Variants in TRPV1 observed in about 807,000 individuals in gnomAD.
TRPV1 encodes transient receptor potential cation channel subfamily V member 1.
A neutral mutation model predicts 82.3 loss-of-function variants in TRPV1; 82 were observed. The observed-to-expected ratio is 1.00, with a 90% confidence interval of 0.83 to 1.20. The LOEUF (loss-of-function observed/expected upper bound fraction) is 1.20. Ranked by LOEUF, TRPV1 falls within the 50% of genes most tolerant of loss-of-function variation. TRPV1 has a pLI of 0.00. For missense variants in TRPV1, 1,067 were observed against 1,096.8 expected, an observed-to-expected ratio of 0.97 and a Z score of 0.38; for synonymous variants, 515 against 467.7, an observed-to-expected ratio of 1.10 and a Z score of -1.30.
intron 12 of TRPV1, 106 bp from the exon 13 acceptor site, chr17:3,577,298 C>A: frequency 7.9e-7 from 1 of 1,266,934 alleles, no homozygotes; most frequent in African/African-American, 1.5e-5. Context: ...ACGTGCAGGG[C>A]GGTTTGCTTT....
intron 15 of TRPV1, 47 bp from the exon 16 acceptor site, chr17:3,571,686 C>A (rs745491389): frequency 1.0e-5 from 15 of 1,483,130 alleles, no homozygotes; most frequent in Non-Finnish European, 1.4e-5. Flanking sequence ...GCCCAGCTTC[C>A]CGGGCCAAGG....
chr17:3,581,983 G>T (rs12945340), intron 10 of TRPV1, among the ~76,000 whole-genome samples: 1 of 137,792 alleles, frequency 7.3e-6, no homozygotes, highest in East Asian at 2.5e-4. Flanking sequence ...GAGGTCAGGA[G>T]ATCGAGACCA....
intron 8 of TRPV1, among the ~76,000 whole-genome samples, chr17:3,587,616 C>G (rs889362679): frequency 1.3e-5 from 2 of 152,084 alleles, no homozygotes; most frequent in African/African-American, 4.8e-5. Flanking sequence ...GTCAAGAGTT[C>G]GAGACCACCC....
chr17:3,583,275 G>A lies in TRPV1; in HGVS notation c.1476+63C>T, dbSNP rs529684601. The A allele has an allele frequency of 7.7e-5, 107 of 1,384,456 alleles. No homozygotes were observed. The African/African-American group carries it at 1.3e-3, about 17-fold the overall frequency. 85.8% of individuals were successfully genotyped at this position (1,384,456 alleles called of 1,614,324 possible). ...AATTAAAAAGTGAGTGAGCGCTGAG[G>A]GATCTTCTTGGCTTTTTGTTTTGGT... On this transcript the variant is annotated intron_variant, in intron 10 of 16. Transcript: ENST00000572705.
intron 15 of TRPV1, 148 bp from the exon 16 acceptor site, chr17:3,571,787 A>G (rs1318514355): frequency 3.1e-6 from 2 of 654,282 alleles, no homozygotes; most frequent in Admixed American, 2.7e-5. Flanking sequence ...ATTTTTGGAC[A>G]CCATCCTCAA....
In TRPV1 at chr17:3,588,219, T is replaced by C. The variant is rs200294374; in HGVS notation, c.1193A>G (p.Glu398Gly). The change falls in exon 8 of 17, where the codon GAG becomes GGG. Residue 398 changes from glutamate to glycine, a missense_variant. By Grantham distance (98) the Glu-to-Gly change is moderately conservative. Coordinates refer to ENST00000572705, the MANE Select transcript of TRPV1 (RefSeq NM_080704.4). ...CTCGCTGCTGCTGTAGGCGATCACCTCCAGCACCGAGTTCTTCTCGCAGGT... is the reference window on the plus strand; with the variant it reads ...CTCGCTGCTGCTGTAGGCGATCACCCCCAGCACCGAGTTCTTCTCGCAGGT... ...IDTCEKNSVLEVIAYSSSETP... is the reference protein window; with the variant it reads ...IDTCEKNSVLGVIAYSSSETP... 3 of 1,574,158 alleles carry C rather than the reference T, an allele frequency of 1.9e-6. No individual in the cohort carries two copies. The highest frequency in any genetic ancestry group is 2.6e-6 in the Non-Finnish European group (3 of 1,160,478).
At chr17:3,591,377 T>G in intron 3 of TRPV1, 24 bp from the exon 4 acceptor site, 1 of 1,545,222 alleles carries the variant, frequency 6.5e-7, no homozygotes, top group East Asian at 2.3e-5. Flanking sequence ...AACACGCTCG[T>G]CTCATACCCT....
chr17:3,607,443 T>C (rs891331705), intron 2 of TRPV1, among the ~76,000 whole-genome samples: 1 of 152,144 alleles, frequency 6.6e-6, no homozygotes, highest in Non-Finnish European at 1.5e-5. Flanking sequence ...GGATCCTGCA[T>C]ATGCCATGTT....
intron 8 of TRPV1, 145 bp from the exon 9 acceptor site, chr17:3,586,071 C>T (rs916823761): frequency 1.8e-5 from 19 of 1,070,970 alleles, no homozygotes; most frequent in African/African-American, 4.7e-5. Flanking sequence ...CTGAGCCAGC[C>T]GGCAGCCATA....
At chr17:3,582,542 T>C (rs1332568197) in intron 10 of TRPV1, among the ~76,000 whole-genome samples, 1 of 152,022 alleles carries the variant, frequency 6.6e-6, no homozygotes, top group African/African-American at 2.4e-5. Context: ...AATATGGTTT[T>C]TGCAAGAAAG....
At position 3,590,305 on chromosome 17, in the gene TRPV1, G is replaced by T. The variant is rs749687091; in HGVS notation, c.692C>A (p.Ala231Glu). The stretch of plus-strand genomic sequence containing the variant: ...TTTCTTAAAGAAGTCCCCATGGGCC[G>T]CAGCCTGGACGTCTGCTCCGTTCTC... ...LVENGADVQAAAHGDFFKKTK... is the reference protein window; with the variant it reads ...LVENGADVQAEAHGDFFKKTK... Residue 231 changes from alanine (A) to glutamate (E), a missense_variant, in exon 6 of 17, where the codon GCG (alanine) becomes GAG (glutamate). Coordinates refer to ENST00000572705, the MANE Select transcript of TRPV1 (RefSeq NM_080704.4). The T allele has an allele frequency of 1.2e-6, 2 of 1,613,960 alleles. No individual in the cohort carries two copies. Among genetic ancestry groups the T allele is most frequent in the East Asian group, 4.5e-5 (2 of 44,878 alleles).
At chr17:3,585,129 G>A (rs529418336) in intron 9 of TRPV1, 9 of 151,622 alleles carry the variant, frequency 5.9e-5, no homozygotes, top group African/African-American at 2.2e-4. Context: ...GCCCTGTCCC[G>A]AGCCCAAATT....
rs1319168636 is a variant in TRPV1, at chr17:3,582,349, G to A, written c.1476+989C>T. Among the ~76,000 whole-genome samples the A allele has an allele frequency of 4.0e-5, 6 of 151,794 alleles. No individual in the cohort carries two copies. The East Asian group carries it at 1.2e-3, about 29-fold the overall frequency. ...ATCACGCCACTGCACTCCAGCCTGG[G>A]TGACACAGCAAGACCCCATCTTATA... On this transcript the variant is annotated intron_variant, in intron 10 of 16. Transcript: ENST00000572705.
At chr17:3,592,588 G>T in intron 2 of TRPV1, 1 of 587,516 alleles carries the variant, frequency 1.7e-6, no homozygotes, top group Non-Finnish European at 3.0e-6. Context: ...GCCTAGCAGG[G>T]CCCAGGCAGT....
intron 7 of TRPV1, 131 bp downstream of exon 7, chr17:3,589,676 C>T: frequency 1.8e-6 from 2 of 1,134,510 alleles, no homozygotes; most frequent in South Asian, 1.6e-5. Flanking sequence ...AACAGCCCTA[C>T]AGGCTGGTAT....
intron 12 of TRPV1, 47 bp from the exon 13 acceptor site, chr17:3,577,239 G>A (rs1198472452): frequency 1.9e-6 from 3 of 1,553,094 alleles, no homozygotes; most frequent in Non-Finnish European, 1.7e-6. Flanking sequence ...GGCCCAGGAG[G>A]AGCTGAGGGA....
In TRPV1 at chr17:3,592,047, G is replaced by C. The variant is rs1027879244; in HGVS notation, c.284+20C>G. On this transcript the variant is annotated intron_variant, in intron 3 of 16. Transcript: ENST00000572705. ...CAGCTGGGCTCCCAGCAGGGAGGGG[G>C]GCTCCAGACGCGGACTTACCTGGCA... 6.2e-7 allele frequency: 1 copy of C among 1,603,234 alleles called. No homozygotes were observed. Among genetic ancestry groups the C allele is most frequent in the Non-Finnish European group, 8.5e-7 (1 of 1,173,658 alleles).
intron 2 of TRPV1, among the ~76,000 whole-genome samples, chr17:3,606,107 G>A (rs1376429992): frequency 3.3e-5 from 5 of 152,052 alleles, no homozygotes; most frequent in Admixed American, 2.0e-4. Flanking sequence ...TACAGGTGCC[G>A]ACCACCATGC....
intron 14 of TRPV1, among the ~76,000 whole-genome samples, chr17:3,573,394 G>T (rs2074884903): frequency 6.6e-6 from 1 of 152,192 alleles, no homozygotes; most frequent in Non-Finnish European, 1.5e-5. Flanking sequence ...CTTGCTGGAA[G>T]TCCACTGAGG....
Sources: gnomAD v4.1 joint callset for allele counts (sites outside exome capture counted in the v4.1 genomes callset) on GRCh38, gnomAD v4.1.1 for gene constraint, MANE v1.5 for transcripts, NCBI Gene and HGNC (gene_info 2026-07-23, HGNC 2026-07-21) for gene names.